The following TLE2 variants were observed in gnomAD, a reference collection of about 807,000 sequenced individuals.
The protein encoded by TLE2 is TLE family member 2, transcriptional corepressor, also known as transducin-like enhancer protein 2.
In TLE2, 74 loss-of-function variants were observed where a neutral mutation model predicts 97.2. The ratio of observed to expected loss-of-function variants is 0.76; its 90% CI spans 0.63 to 0.92. The LOEUF (loss-of-function observed/expected upper bound fraction) is 0.92. Among genes scored for constraint, TLE2 ranks in the 40% least tolerant of loss-of-function variants. The pLI is 0.00. For synonymous variants in TLE2, 499 were observed against 432.1 expected, an observed-to-expected ratio of 1.15 and a Z score of -1.92; for missense variants, 1,038 against 1,008.7, an observed-to-expected ratio of 1.03 and a Z score of -0.39.
Position 3,028,183 on chromosome 19 carries a change from C to T in TLE2, c.186+136G>A, listed in dbSNP as rs149061249. On this transcript the variant is annotated intron_variant, in intron 3 of 19. Transcript: ENST00000262953. ...GAGCTGGGAGGACCCTCCTAGAGAG[C>T]CTGAAATCCCAACCTGCCCAATGTA... is the stretch of plus-strand genomic sequence containing the variant. The T allele has an allele frequency of 2.0e-4, 191 of 958,196 alleles. 2 individuals are homozygous for T. The highest frequency in any genetic ancestry group is 4.9e-6 in the Non-Finnish European group (3 of 614,492). The allele number at this position is 958,196 out of a possible 1,614,324, so 59.4% of individuals were successfully genotyped here. A position where few individuals can be genotyped will look rare whatever the true frequency, so the allele number is the denominator to read the frequency against.
At chr19:3,030,440 G>A (rs1688127), upstream of TLE2, among the ~76,000 whole-genome samples, 71,046 of 152,024 alleles carry the variant, frequency 0.47, 17,403 homozygotes, top group African/African-American at 0.62. Context: ...ATCAACAAAC[G>A]TGTACTAAAT....
rs888565270 is a variant in TLE2 at position 3,019,618 on chromosome 19, G to T, written c.369+81C>A. 6.5e-7 allele frequency: 1 copy of T among 1,548,160 alleles called. No homozygotes were observed. The highest frequency in any genetic ancestry group is 8.7e-7 in the Non-Finnish European group (1 of 1,144,598). On this transcript the variant is annotated intron_variant, in intron 6 of 19. Transcript: ENST00000262953. This position sits in a 1 kb window ranked among gnomAD's most constrained non-coding sequence, Gnocchi z 5.1. ...GAGCCAAGGCCCACACACCACCCCA[G>T]CTTTAACACCTCCTGGGTGGGTGCC...
intron 18 of TLE2, 75 bp downstream of exon 18, chr19:3,002,278 A>G: frequency 6.7e-7 from 1 of 1,503,644 alleles, no homozygotes; most frequent in South Asian, 1.3e-5. Context: ...TTATTTATCT[A>G]AGATTCAGAT....
upstream of TLE2, chr19:3,029,562 G>GGA (rs1555694592): frequency 3.6e-5 from 29 of 816,254 alleles, no homozygotes; most frequent in African/African-American, 2.6e-4. Context: ...TGGGAGCGGG[G>GGA]GGGGGGGCTT....
At chr19:3,002,793 G>C (rs1318467183) in intron 17 of TLE2, among the ~76,000 whole-genome samples, 1 of 151,966 alleles carries the variant, frequency 6.6e-6, no homozygotes, top group East Asian at 1.9e-4. Context: ...CTGCCTCCCA[G>C]GTTCAAGGGA....
At chr19:3,046,825 A>G (rs2090144507), upstream of TLE2, among the ~76,000 whole-genome samples, 1 of 151,562 alleles carries the variant, frequency 6.6e-6, no homozygotes, top group Non-Finnish European at 1.5e-5. Context: ...GTAACCAGAA[A>G]GGAATATGGG....
At chr19:3,044,626 C>T (rs1048472328) in intron 1 of TLE2, among the ~76,000 whole-genome samples, 5 of 152,140 alleles carry the variant, frequency 3.3e-5, no homozygotes, top group Non-Finnish European at 5.9e-5. Flanking sequence ...CACCATGTTG[C>T]CCAGGCTGGT....
chr19:3,032,184 G>A (rs939515017), upstream of TLE2, among the ~76,000 whole-genome samples: 3 of 151,880 alleles, frequency 2.0e-5, no homozygotes, highest in Non-Finnish European at 2.9e-5. The surrounding 1 kb of genome is among the most constrained non-coding windows in gnomAD (Gnocchi z 4.1). Flanking sequence ...CACCTGCCTC[G>A]GCCTCTCAAA....
At chr19:2,997,987 A>G in intron 19 of TLE2, 32 bp from the exon 20 acceptor site, 1 of 1,528,548 alleles carries the variant, frequency 6.5e-7, no homozygotes, top group Non-Finnish European at 9.0e-7. Context: ...AAAAGGGCAC[A>G]GTGAGGCATG....
At chr19:3,032,769 G>A (rs2090035051), upstream of TLE2, among the ~76,000 whole-genome samples, 2 of 152,010 alleles carry the variant, frequency 1.3e-5, no homozygotes, top group African/African-American at 2.4e-5. This position sits in a 1 kb window ranked among gnomAD's most constrained non-coding sequence, Gnocchi z 4.1. Context: ...TCAAGAGTCC[G>A]TGATTCCAGG....
chr19:3,047,595 C>G (rs2090154389), upstream of TLE2: 1 of 151,998 alleles, frequency 6.6e-6, no homozygotes, highest in Non-Finnish European at 1.5e-5. Flanking sequence ...AGCTGACACT[C>G]TTGAGCCCTT....
chr19:3,036,491 A>C (rs2090064133), intron 1 of TLE2, among the ~76,000 whole-genome samples: 3 of 151,910 alleles, frequency 2.0e-5, no homozygotes, highest in Non-Finnish European at 4.4e-5. Context: ...GACACCGCCA[A>C]CCTCTGCCTA....
chr19:3,032,592 T>C (rs1008791434), upstream of TLE2, among the ~76,000 whole-genome samples: 6 of 152,120 alleles, frequency 3.9e-5, no homozygotes, highest in African/African-American at 1.4e-4. The surrounding 1 kb of genome is among the most constrained non-coding windows in gnomAD (Gnocchi z 4.1). Flanking sequence ...GCGTCCTTGT[T>C]TGTCTCCCTC....
In TLE2 at chr19:3,011,088, C is replaced by T. The variant is rs201317355; in HGVS notation, c.946G>A (p.Gly316Arg). Reference sequence around the variant, plus strand: ...CAGAGGTGACTGGCCGAGCTGGGCCCGGGGGTGGAAGCGTCCTGGGGCGGG... The same window carrying T: ...CAGAGGTGACTGGCCGAGCTGGGCCTGGGGGTGGAAGCGTCCTGGGGCGGG... ...SSPPQDASTP[G>R]PSSASHLCQL... is the part of the protein sequence containing the mutation. Residue 316 changes from glycine to arginine, a missense_variant, in exon 12 of 20, where the codon GGG (glycine) becomes AGG (arginine). Physicochemically the swap from Gly to Arg is moderately radical, Grantham distance 125 (BLOSUM62 -2). Coordinates refer to ENST00000262953, the MANE Select transcript of TLE2 (RefSeq NM_003260.5). 0.01 allele frequency: 16,487 copies of T among 1,610,450 alleles called. 99 individuals carry two copies. The highest frequency in any genetic ancestry group is 0.013 in the Non-Finnish European group (14,848 of 1,179,014).
In TLE2 at chr19:3,014,666, A is replaced by T. The variant is rs182918281; in HGVS notation, c.679-52T>A. 3,600 of 1,500,366 alleles carry T rather than the reference A, an allele frequency of 2.4e-3. 8 individuals are homozygous for T. Among genetic ancestry groups the T allele is most frequent in the Non-Finnish European group, 2.8e-3 (3,102 of 1,117,016 alleles). The allele number at this position is 1,500,366 out of a possible 1,614,324, so 92.9% of individuals were successfully genotyped here. A position where few individuals can be genotyped will look rare whatever the true frequency, so the allele number is the denominator to read the frequency against. Reference sequence around the variant, plus strand: ...ATTGTGGTCATGCCCCTGCCTCCACACCCCCTATCCGCTCCTCAGGAGTTG... The same window carrying T: ...ATTGTGGTCATGCCCCTGCCTCCACTCCCCCTATCCGCTCCTCAGGAGTTG... On this transcript the variant is annotated intron_variant, in intron 9 of 19. Coordinates refer to ENST00000262953, the MANE Select transcript of TLE2 (RefSeq NM_003260.5).
In TLE2 at chr19:3,019,042, G is replaced by A. The variant is rs925167101; in HGVS notation, c.550+241C>T. The stretch of plus-strand genomic sequence containing the variant: ...GCCTCCTAAGTACCTGGGAATACAG[G>A]TGTGCACCATCCCACCCAGCAAATT... On this transcript the variant is annotated intron_variant, in intron 7 of 19. Coordinates refer to ENST00000262953, the MANE Select transcript of TLE2 (RefSeq NM_003260.5). The surrounding 1 kb of genome is among the most constrained non-coding windows in gnomAD (Gnocchi z 5.1). Among the ~76,000 whole-genome samples, 2 of 152,130 alleles carry A rather than the reference G, an allele frequency of 1.3e-5. No individual in the cohort carries two copies. Among genetic ancestry groups the A allele is most frequent in the African/African-American group, 4.8e-5 (2 of 41,426 alleles).
chr19:3,006,320 T>A, intron 15 of TLE2, 100 bp downstream of exon 15: 1 of 1,496,436 alleles, frequency 6.7e-7, no homozygotes, highest in Non-Finnish European at 9.0e-7. Flanking sequence ...GCCCTTCACC[T>A]GTAGCCCCAC....
chr19:3,019,690 G>A lies in TLE2; in HGVS notation c.369+9C>T, dbSNP rs1453755426. ...TCCCCATGGCGGGGCAGGGGCTAGA[G>A]AGACTCACCCCGATGAGGCTGTTCA... On this transcript the variant is annotated intron_variant, in intron 6 of 19. Transcript: ENST00000262953. This position sits in a 1 kb window ranked among gnomAD's most constrained non-coding sequence, Gnocchi z 5.1. 2 of 1,605,968 alleles carry A rather than the reference G, an allele frequency of 1.2e-6. No homozygotes were observed. Among genetic ancestry groups the A allele is most frequent in the Non-Finnish European group, 1.7e-6 (2 of 1,176,536 alleles).
At chr19:3,006,772 T>G (rs1392966014) in intron 14 of TLE2, 103 bp from the exon 15 acceptor site, 12 of 1,449,440 alleles carry the variant, frequency 8.3e-6, no homozygotes, top group East Asian at 2.4e-5. Context: ...CACCCTCTGA[T>G]GTGTTTTTTA....
Sources: gnomAD v4.1 joint callset for allele counts (sites outside exome capture counted in the v4.1 genomes callset) on GRCh38, gnomAD v4.1.1 for gene constraint, Gnocchi (gnomAD v3.1) non-coding constraint, MANE v1.5 for transcripts, NCBI Gene and HGNC (gene_info 2026-07-23, HGNC 2026-07-21) for gene names.